ASIC2: variants seen among roughly 807,000 people sequenced by gnomAD.
The protein encoded by ASIC2 is acid-sensing ion channel 2.
ASIC2 carries 25 observed loss-of-function variants against 57.3 expected under a neutral mutation model. That is an observed-to-expected ratio of 0.44 (90% CI 0.32 to 0.61). ASIC2 has a LOEUF of 0.61. Among genes scored for constraint, ASIC2 ranks in the 20% least tolerant of loss-of-function variants. The pLI is 0.06. For synonymous variants in ASIC2, 319 were observed against 307.5 expected, an observed-to-expected ratio of 1.04 and a Z score of -0.39; for missense variants, 641 against 738.1, an observed-to-expected ratio of 0.87 and a Z score of 1.52.
intron 1 of ASIC2, among the ~76,000 whole-genome samples, chr17:33,261,421 G>A (rs571654721): frequency 1.2e-4 from 19 of 152,170 alleles, no homozygotes; most frequent in African/African-American, 4.3e-4. Flanking sequence ...GAGCTTCCAG[G>A]GAAATAGGGG....
intron 1 of ASIC2, among the ~76,000 whole-genome samples, chr17:33,685,453 C>A (rs959895853): frequency 6.6e-6 from 1 of 152,156 alleles, no homozygotes; most frequent in South Asian, 2.1e-4. Flanking sequence ...CCCCCTCTAA[C>A]ACCCTGCTCC....
At chr17:33,741,713 T>G (rs1272210437) in intron 1 of ASIC2, among the ~76,000 whole-genome samples, 1 of 152,194 alleles carries the variant, frequency 6.6e-6, no homozygotes, top group Admixed American at 6.5e-5. Context: ...CAATGCAGTT[T>G]TCTCCTGCTC....
chr17:33,361,686 C>T (rs369817087), intron 1 of ASIC2, among the ~76,000 whole-genome samples: 5 of 152,112 alleles, frequency 3.3e-5, no homozygotes, highest in African/African-American at 7.2e-5. Flanking sequence ...AGAGTCTTAC[C>T]GAAGGTCATA....
At chr17:33,107,576 A>G (rs1043794611) in intron 2 of ASIC2, among the ~76,000 whole-genome samples, 1 of 152,112 alleles carries the variant, frequency 6.6e-6, no homozygotes, top group Non-Finnish European at 1.5e-5. Flanking sequence ...GCCCCACATG[A>G]AGATGTGTGA....
At chr17:33,839,059 A>T (rs963651858) in intron 1 of ASIC2, among the ~76,000 whole-genome samples, 3 of 152,198 alleles carry the variant, frequency 2.0e-5, no homozygotes, top group Non-Finnish European at 4.4e-5. Flanking sequence ...AAAGAATAAG[A>T]TGCAATTGAT....
At chr17:33,427,469 T>A (rs1911257003) in intron 1 of ASIC2, among the ~76,000 whole-genome samples, 1 of 152,174 alleles carries the variant, frequency 6.6e-6, no homozygotes, top group Non-Finnish European at 1.5e-5. Context: ...TGCTTCGGAA[T>A]CAAATGAGAG....
At chr17:34,099,162 GAGAAAGAA>G (rs759417669) in intron 1 of ASIC2, among the ~76,000 whole-genome samples, 3,857 of 41,524 alleles carry the variant, frequency 0.093, 88 homozygotes, top group South Asian at 0.14. Context: ...GAGAGAGAGA[GAGAAAGAA>G]AGAAAGAAAG....
At chr17:33,128,561 T>C (rs2092333585) in intron 1 of ASIC2, among the ~76,000 whole-genome samples, 1 of 152,206 alleles carries the variant, frequency 6.6e-6, no homozygotes, top group South Asian at 2.1e-4. Flanking sequence ...AATTTCCATG[T>C]AGTTGTAACA....
intron 1 of ASIC2, among the ~76,000 whole-genome samples, chr17:33,635,641 C>T (rs1906334499): frequency 6.6e-6 from 1 of 152,158 alleles, no homozygotes; most frequent in Admixed American, 6.5e-5. Flanking sequence ...ATAAACAGAG[C>T]GATGAGGAGG....
intron 1 of ASIC2, among the ~76,000 whole-genome samples, chr17:34,021,266 AT>A (rs1907149525): frequency 1.3e-5 from 2 of 152,102 alleles, no homozygotes; most frequent in African/African-American, 4.8e-5. Flanking sequence ...AAAAAAAAAA[AT>A]AGACTACTGC....
intron 1 of ASIC2, among the ~76,000 whole-genome samples, chr17:33,341,181 CTTCACA>C (rs1907706850): frequency 6.6e-6 from 1 of 152,172 alleles, no homozygotes. Context: ...CTTGTGAAAC[CTTCACA>C]TTCCCAGACC....
chr17:33,979,429 C>A (rs905363853), intron 1 of ASIC2, among the ~76,000 whole-genome samples: 2 of 152,130 alleles, frequency 1.3e-5, no homozygotes, highest in Non-Finnish European at 2.9e-5. Context: ...CCAGGAGTGG[C>A]TCTCCCGGAG....
intron 1 of ASIC2, among the ~76,000 whole-genome samples, chr17:34,062,042 A>G (rs1162485260): frequency 6.6e-6 from 1 of 152,176 alleles, no homozygotes; most frequent in Non-Finnish European, 1.5e-5. Context: ...TATGTACCGA[A>G]CATTTCATCC....
At chr17:33,674,883 A>C (rs981726892) in intron 1 of ASIC2, among the ~76,000 whole-genome samples, 2 of 152,168 alleles carry the variant, frequency 1.3e-5, no homozygotes, top group African/African-American at 4.8e-5. Flanking sequence ...TTGAGGAATC[A>C]CGTGACCTTG....
chr17:34,025,795 CTCATGCA>C (rs1907355902), intron 1 of ASIC2, among the ~76,000 whole-genome samples: 1 of 152,158 alleles, frequency 6.6e-6, no homozygotes. Context: ...AAATACTGCC[CTCATGCA>C]TCATGCATGT....
At chr17:33,169,133 C>T (rs916041398) in intron 1 of ASIC2, among the ~76,000 whole-genome samples, 3 of 152,188 alleles carry the variant, frequency 2.0e-5, no homozygotes, top group Admixed American at 6.5e-5. Context: ...TTTTCTGCTG[C>T]CCCAGCTATG....
intron 3 of ASIC2, among the ~76,000 whole-genome samples, chr17:33,036,962 G>A (rs975091733): frequency 6.6e-6 from 1 of 152,028 alleles, no homozygotes; most frequent in Non-Finnish European, 1.5e-5. Context: ...GAGGGAGAAG[G>A]GTGGGAGGAG....
At chr17:33,900,202 C>G (rs1915200659) in intron 1 of ASIC2, among the ~76,000 whole-genome samples, 1 of 152,188 alleles carries the variant, frequency 6.6e-6, no homozygotes, top group Non-Finnish European at 1.5e-5. Context: ...ATGGGAGAGG[C>G]ATGTAGCTGA....
intron 1 of ASIC2, among the ~76,000 whole-genome samples, chr17:33,470,401 G>C (rs1504571): frequency 0.38 from 58,206 of 152,048 alleles, 11,288 homozygotes; most frequent in South Asian, 0.5. Context: ...AGGTGAGTCT[G>C]ATGAGCGTTT....
Sources: gnomAD v4.1 joint callset for allele counts (sites outside exome capture counted in the v4.1 genomes callset) on GRCh38, gnomAD v4.1.1 for gene constraint, MANE v1.5 for transcripts, NCBI Gene and HGNC (gene_info 2026-07-23, HGNC 2026-07-21) for gene names.